Variants in BMPER observed in about 807,000 individuals in gnomAD.
BMPER encodes the protein BMP binding endothelial regulator, also known as BMP-binding endothelial regulator protein.
Under a neutral mutation model 87.3 loss-of-function variants are expected in BMPER, and 45 were observed. That is an observed-to-expected ratio of 0.52 (90% CI 0.41 to 0.66). BMPER has a LOEUF of 0.66. BMPER is among the 30% of genes least tolerant of loss of function. BMPER has a pLI of 0.00. For synonymous variants in BMPER, 326 were observed against 316.2 expected, an observed-to-expected ratio of 1.03 and a Z score of -0.33; for missense variants, 784 against 867.5, an observed-to-expected ratio of 0.90 and a Z score of 1.21.
chr7:33,961,479 G>T (rs976556725), intron 3 of BMPER, among the ~76,000 whole-genome samples: 1 of 152,216 alleles, frequency 6.6e-6, no homozygotes, highest in Non-Finnish European at 1.5e-5. Context: ...GCTTAAGAAA[G>T]GTCCCTACCA....
At chr7:34,054,508 CT>C (rs1010965366) in intron 8 of BMPER, among the ~76,000 whole-genome samples, 5 of 151,970 alleles carry the variant, frequency 3.3e-5, no homozygotes, top group African/African-American at 7.3e-5. Context: ...CAGAAGAGCA[CT>C]TTTTTTTGAA....
At chr7:34,134,764 T>C (rs558942917) in intron 13 of BMPER, among the ~76,000 whole-genome samples, 1 of 152,294 alleles carries the variant, frequency 6.6e-6, no homozygotes, top group African/African-American at 2.4e-5. Context: ...TGGTCTGATA[T>C]ATGGCCTTAT....
At position 34,044,506 on chromosome 7, in the gene BMPER, T is replaced by G. The variant is rs1247533834; in HGVS notation, c.577-1800T>G. On this transcript the variant is annotated intron_variant, in intron 6 of 14. Transcript: ENST00000649409. ...AAATTAAAAGCTAAGGGCAGCATCT[T>G]GGGTCCTCCCTCTTGTGCTTCATGT... 1.3e-5 allele frequency among the ~76,000 whole-genome samples: 2 copies of G among 152,166 alleles called. 1 individual carries two copies. Among genetic ancestry groups the G allele is most frequent in the African/African-American group, 4.8e-5 (2 of 41,460 alleles).
chr7:34,064,110 G>A (rs970729842), intron 11 of BMPER, among the ~76,000 whole-genome samples: 2 of 152,200 alleles, frequency 1.3e-5, no homozygotes, highest in Admixed American at 6.5e-5. Context: ...GACCAACAAG[G>A]TAAAACCCCA....
chr7:34,054,228 A>G (rs1452919181), intron 8 of BMPER, among the ~76,000 whole-genome samples: 1 of 152,164 alleles, frequency 6.6e-6, no homozygotes, highest in Non-Finnish European at 1.5e-5. Context: ...TGCTTAACAT[A>G]GTGCTAGGCA....
intron 2 of BMPER, among the ~76,000 whole-genome samples, chr7:33,932,246 C>G (rs720799): frequency 0.03 from 4,564 of 152,282 alleles, 219 homozygotes; most frequent in African/African-American, 0.1. Flanking sequence ...TCTGTAAGCT[C>G]CTCCCCAACA....
Position 34,153,410 on chromosome 7 carries a change from A to ACTCTGT in BMPER, c.*137_*138insCTCTGT. The stretch of plus-strand genomic sequence containing the variant: ...AGAGTATATATGTGTATATATATAT[A>ACTCTGT]GATATATTCAAAAACATTGCATCAT... On this transcript the variant is annotated 3_prime_UTR_variant, in exon 15 of 15. Coordinates refer to ENST00000649409, the MANE Select transcript of BMPER (RefSeq NM_001365308.1). 1.2e-6 allele frequency: 1 copy of ACTCTGT among 811,194 alleles called. No homozygotes were observed. The allele number at this position is 811,194 out of a possible 1,614,324, so 50.2% of individuals were successfully genotyped here.
chr7:33,972,190 C>A (rs924591965), intron 5 of BMPER, among the ~76,000 whole-genome samples: 2 of 152,038 alleles, frequency 1.3e-5, no homozygotes, highest in Non-Finnish European at 2.9e-5. Context: ...GGCGTGAGCC[C>A]CTACGCCCGG....
At chr7:33,946,711 T>C (rs1012160904) in intron 3 of BMPER, among the ~76,000 whole-genome samples, 5 of 152,226 alleles carry the variant, frequency 3.3e-5, no homozygotes, top group Non-Finnish European at 7.3e-5. Context: ...CTTTTACTTA[T>C]TTTCCTCCGA....
At chr7:34,135,132 A>G (rs1008441876) in intron 13 of BMPER, among the ~76,000 whole-genome samples, 5 of 152,204 alleles carry the variant, frequency 3.3e-5, no homozygotes, top group Non-Finnish European at 5.9e-5. Context: ...GTTGGAATGT[A>G]TAAGTAAGCA....
At chr7:34,056,837 C>T (rs771866272) in intron 9 of BMPER, among the ~76,000 whole-genome samples, 1 of 152,086 alleles carries the variant, frequency 6.6e-6, no homozygotes, top group Admixed American at 6.5e-5. Context: ...AGGCTGATCT[C>T]GAACTCCCGA....
At chr7:34,078,264 AGAC>A (rs1407422969) in intron 11 of BMPER, among the ~76,000 whole-genome samples, 1 of 152,212 alleles carries the variant, frequency 6.6e-6, no homozygotes. Flanking sequence ...AAACGTATAA[AGAC>A]TATCTGTAAA....
At chr7:34,055,115 T>C in intron 8 of BMPER, 48 bp from the exon 9 acceptor site, 1 of 1,613,592 alleles carries the variant, frequency 6.2e-7, no homozygotes, top group Non-Finnish European at 8.5e-7. Context: ...GGATGTTTGG[T>C]AGAGGCGAAA....
chr7:33,927,137 C>T (rs113266545), intron 2 of BMPER, among the ~76,000 whole-genome samples: 5 of 152,236 alleles, frequency 3.3e-5, no homozygotes, highest in East Asian at 1.9e-4. Flanking sequence ...GCGGCTCCTC[C>T]GCCCTGCCTA....
intron 6 of BMPER, among the ~76,000 whole-genome samples, chr7:33,981,783 A>T (rs1316758819): frequency 1.3e-5 from 2 of 152,226 alleles, no homozygotes; most frequent in Non-Finnish European, 2.9e-5. Flanking sequence ...GTCATTGTGG[A>T]TGAGCTCAGA....
At chr7:34,065,828 C>T (rs1261609001) in intron 11 of BMPER, among the ~76,000 whole-genome samples, 3 of 152,202 alleles carry the variant, frequency 2.0e-5, no homozygotes, top group South Asian at 2.1e-4. Flanking sequence ...TCCACTCTTA[C>T]GTGTTTTCAG....
intron 13 of BMPER, among the ~76,000 whole-genome samples, chr7:34,117,202 G>A (rs758456195): frequency 3.3e-5 from 5 of 152,168 alleles, no homozygotes; most frequent in Non-Finnish European, 7.3e-5. Flanking sequence ...AAATGTTGGA[G>A]CATCAGTTAT....
At chr7:33,952,261 C>T (rs142037428) in intron 3 of BMPER, among the ~76,000 whole-genome samples, 13 of 152,288 alleles carry the variant, frequency 8.5e-5, no homozygotes, top group African/African-American at 2.2e-4. Flanking sequence ...AATGATTCTG[C>T]GTCTGCTTAT....
At chr7:34,080,242 C>G (rs1307590590) in intron 12 of BMPER, among the ~76,000 whole-genome samples, 1 of 152,170 alleles carries the variant, frequency 6.6e-6, no homozygotes, top group African/African-American at 2.4e-5. Flanking sequence ...AAAGCAGGCA[C>G]TTTTCAGGGG....
Sources: allele counts gnomAD v4.1 joint callset (sites outside exome capture counted in the v4.1 genomes callset), GRCh38; gene constraint gnomAD v4.1.1; transcripts MANE v1.5; gene names NCBI Gene and HGNC (gene_info 2026-07-23, HGNC 2026-07-21).